Variants in NUP188 observed in about 807,000 individuals in gnomAD.
NUP188 encodes nucleoporin NUP188.
In NUP188, 97 loss-of-function variants were observed where a neutral mutation model predicts 223.0. The observed-to-expected ratio is 0.43, with a 90% CI of 0.37 to 0.51. The LOEUF (loss-of-function observed/expected upper bound fraction) is 0.51. NUP188 is among the 20% of genes least tolerant of loss of function. The pLI is 0.00. For synonymous variants in NUP188, 869 were observed against 828.0 expected (o/e 1.05, Z -0.85); for missense variants, 1,947 against 2,175.6 (o/e 0.89, Z 2.09).
chr9:129,000,714 CTG>C (rs1007621743), intron 34 of NUP188, among the ~76,000 whole-genome samples: 5 of 152,068 alleles, frequency 3.3e-5, no homozygotes, highest in African/African-American at 7.2e-5. Flanking sequence ...TAGTGAAAAA[CTG>C]TAAACGTGTA....
At chr9:128,976,786 A>T (rs1842181849) in intron 12 of NUP188, among the ~76,000 whole-genome samples, 1 of 152,006 alleles carries the variant, frequency 6.6e-6, no homozygotes, top group Admixed American at 6.6e-5. Flanking sequence ...ATTGGTATTA[A>T]CATATTAGGG....
At chr9:128,950,669 C>T (rs975476826) in intron 2 of NUP188, among the ~76,000 whole-genome samples, 27 of 152,160 alleles carry the variant, frequency 1.8e-4, no homozygotes, top group African/African-American at 6.3e-4. Flanking sequence ...AGCAAGACCC[C>T]GTCTCTACAA....
Position 129,002,992 on chromosome 9 carries a change from A to G in NUP188, c.4296+17A>G. On this transcript the variant is annotated intron_variant, in intron 37 of 43. Transcript: ENST00000372577. ...ACCTTACAGGTGAGGGGCTGCCTGC[A>G]TTGCAGGGGTGGGAGTTTCAGGGTA... 2 of 1,612,938 alleles carry G rather than the reference A, an allele frequency of 1.2e-6. No homozygotes were observed. The highest frequency in any genetic ancestry group is 1.7e-6 in the Non-Finnish European group (2 of 1,179,478).
intron 3 of NUP188, among the ~76,000 whole-genome samples, chr9:128,953,374 A>G (rs1453605291): frequency 2.0e-5 from 3 of 152,218 alleles, no homozygotes; most frequent in African/African-American, 7.2e-5. Context: ...AGTTGCAAAT[A>G]AAGAGAATGC....
chr9:129,002,826 G>C lies in NUP188; in HGVS notation c.4147G>C (p.Ala1383Pro). ...STNGTAQTPS[A>P]SRKSLDAPSW... is the part of the protein sequence containing the mutation. Reference sequence around the variant, plus strand: ...GCTGTTTGTATCTTAGACACCTAGTGCCTCTCGGAAGTCCCTGGATGCCCC... The same window carrying C: ...GCTGTTTGTATCTTAGACACCTAGTCCCTCTCGGAAGTCCCTGGATGCCCC... Residue 1383 changes from alanine to proline, a missense_variant, in exon 37 of 44, where the codon GCC becomes CCC. This residue lies in a region of NUP188 where 905 missense variants were observed against 990.6 expected (regional missense o/e 0.91). Transcript: ENST00000372577. 6.2e-7 allele frequency: 1 copy of C among 1,614,000 alleles called. No homozygotes were observed. The highest frequency in any genetic ancestry group is 8.5e-7 in the Non-Finnish European group (1 of 1,179,930).
Position 128,958,864 on chromosome 9 carries a change from T to G in NUP188, c.435T>G (p.Thr145=). The G allele has an allele frequency of 2.5e-6, 4 of 1,602,086 alleles. No homozygotes were observed. The highest frequency in any genetic ancestry group is 2.6e-6 in the Non-Finnish European group (3 of 1,172,354). ...CILRCVLHLL[T]YFQDERHPYR... ...TTCGTTGTGTCTTACACCTTCTCACTTACTTCCAAGATGAAAGACACCCCT... is the reference window on the plus strand; with the variant it reads ...TTCGTTGTGTCTTACACCTTCTCACGTACTTCCAAGATGAAAGACACCCCT... The change falls in exon 7 of 44, where the codon ACT becomes ACG. Residue 145 remains threonine, a synonymous_variant. Coordinates refer to ENST00000372577, the MANE Select transcript of NUP188 (RefSeq NM_015354.3).
chr9:128,966,489 A>C (rs1443480503), intron 8 of NUP188, among the ~76,000 whole-genome samples: 1 of 150,906 alleles, frequency 6.6e-6, no homozygotes, highest in Non-Finnish European at 1.5e-5. Context: ...TAATCCTCCT[A>C]CCTCAGCCTC....
chr9:128,970,796 A>G lies in NUP188; in HGVS notation c.951A>G (p.Pro317=), dbSNP rs1390354923. 6.2e-7 allele frequency: 1 copy of G among 1,614,168 alleles called. No individual in the cohort carries two copies. The highest frequency in any genetic ancestry group is 8.5e-7 in the Non-Finnish European group (1 of 1,180,032). ...TAATGTTGACCTTTGGGGACATTCC[A>G]CATCATGCCCCAGTGCTTTTGGCCT... ...DCLMLTFGDI[P]HHAPVLLAWA... is the part of the protein sequence containing the mutation. Residue 317 remains proline (P), a synonymous_variant, in exon 11 of 44, where the codon CCA becomes CCG. Transcript: ENST00000372577.
At chr9:128,971,716 C>CCCAT (rs1313302862) in intron 11 of NUP188, among the ~76,000 whole-genome samples, 2 of 152,068 alleles carry the variant, frequency 1.3e-5, no homozygotes, top group Admixed American at 6.6e-5. Context: ...CCGTGCCCAG[C>CCCAT]TAGTGAGCTC....
chr9:128,983,693 T>A (rs1842289119), intron 19 of NUP188, 143 bp downstream of exon 19: 1 of 652,452 alleles, frequency 1.5e-6, no homozygotes. Flanking sequence ...TTGCCCAGGC[T>A]GGAGTGCAGT....
In NUP188 at chr9:128,949,277, G is replaced by A. The variant is rs1204834795; in HGVS notation, c.87+34G>A. ...TGGTGTTCTTGAGTGGGTTCTCTGG[G>A]TTCTTTGTGTAGCTTTTGTTACCAA... On this transcript the variant is annotated intron_variant, in intron 2 of 43. Transcript: ENST00000372577. 10 of 1,510,708 alleles carry A rather than the reference G, an allele frequency of 6.6e-6. No individual in the cohort carries two copies. The South Asian group carries it at 9.2e-5, about 14-fold the overall frequency. The allele number at this position is 1,510,708 out of a possible 1,614,324, so 93.6% of individuals were successfully genotyped here. A position where few individuals can be genotyped will look rare whatever the true frequency, so the allele number is the denominator to read the frequency against.
chr9:129,005,662 A>G lies in NUP188; in HGVS notation c.4755A>G (p.Glu1585=), dbSNP rs1416559726. Residue 1585 remains glutamate, a synonymous_variant, in exon 41 of 44, where the codon GAA becomes GAG. Coordinates refer to ENST00000372577, the MANE Select transcript of NUP188 (RefSeq NM_015354.3). Reference sequence around the variant, plus strand: ...TCTCGCAGTCCCTGGACCTTGCTGAATACAACTTCCTGTTTGCCCTGAGCT... The same window carrying G: ...TCTCGCAGTCCCTGGACCTTGCTGAGTACAACTTCCTGTTTGCCCTGAGCT... The part of the protein sequence containing the change: ...ILLDQSLDLA[E]YNFLFALSFT... 3.1e-6 allele frequency: 5 copies of G among 1,613,892 alleles called. No homozygotes were observed. In the South Asian group the frequency reaches 4.4e-5, roughly 14 times the overall value.
intron 33 of NUP188, 83 bp from the exon 34 acceptor site, chr9:128,999,541 C>A: frequency 1.4e-6 from 2 of 1,406,850 alleles, no homozygotes; most frequent in Non-Finnish European, 2.0e-6. Context: ...ACATCTCCAG[C>A]CCCTTCCTAG....
chr9:128,988,026 G>T, intron 23 of NUP188, 21 bp from the exon 24 acceptor site: 1 of 1,613,026 alleles, frequency 6.2e-7, no homozygotes, highest in South Asian at 1.1e-5. Context: ...AATCATCTTT[G>T]GTTTCCATTT....
chr9:128,974,568 G>A (rs1295870415), intron 12 of NUP188, among the ~76,000 whole-genome samples: 1 of 151,814 alleles, frequency 6.6e-6, no homozygotes, highest in Non-Finnish European at 1.5e-5. Flanking sequence ...TTATACCAGA[G>A]AAGACAAAAT....
Position 128,968,609 on chromosome 9 carries a change from G to A in NUP188, c.689G>A (p.Ser230Asn). ...LYYAYFEMAP[S>N]DLLVLTKMFK... is the part of the protein sequence containing the mutation. Reference sequence around the variant, plus strand: ...TATGCATACTTTGAGATGGCACCCAGTGACTTACTTGTATTAACCAAGATG... The same window carrying A: ...TATGCATACTTTGAGATGGCACCCAATGACTTACTTGTATTAACCAAGATG... The change falls in exon 9 of 44, where the codon AGT becomes AAT. Residue 230 changes from serine to asparagine, a missense_variant. Physicochemically the swap from Ser to Asn is conservative, Grantham distance 46. Coordinates refer to ENST00000372577, the MANE Select transcript of NUP188 (RefSeq NM_015354.3). 6 of 1,614,004 alleles carry A rather than the reference G, an allele frequency of 3.7e-6. No individual in the cohort carries two copies. The highest frequency in any genetic ancestry group is 1.3e-5 in the African/African-American group (1 of 75,044).
Position 129,006,561 on chromosome 9 carries a change from C to T in NUP188, c.5133C>T (p.Ala1711=). The T allele has an allele frequency of 1.9e-6, 3 of 1,614,220 alleles. No individual in the cohort carries two copies. The highest frequency in any genetic ancestry group is 2.5e-6 in the Non-Finnish European group (3 of 1,180,028). ...YFRRGAPSSP[A]TGVLPSPQGK... Reference sequence around the variant, plus strand: ...GCCGGGGAGCCCCCAGCTCCCCTGCCACTGGTGTCCTCCCCTCGCCGCAGG... The same window carrying T: ...GCCGGGGAGCCCCCAGCTCCCCTGCTACTGGTGTCCTCCCCTCGCCGCAGG... The change falls in exon 44 of 44, where the codon GCC becomes GCT. Residue 1711 remains alanine, a synonymous_variant. Coordinates refer to ENST00000372577, the MANE Select transcript of NUP188 (RefSeq NM_015354.3).
intron 29 of NUP188, 94 bp from the exon 30 acceptor site, chr9:128,995,225 C>A: frequency 2.0e-6 from 2 of 987,520 alleles, no homozygotes; most frequent in African/African-American, 1.6e-5. Context: ...TAAGCCCATG[C>A]AAGGTCGTTT....
At chr9:128,967,230 G>T (rs1341196172) in intron 8 of NUP188, among the ~76,000 whole-genome samples, 1 of 152,108 alleles carries the variant, frequency 6.6e-6, no homozygotes. Context: ...GACTAGTCTT[G>T]AACTCCAGGC....
Sources: gnomAD v4.1 joint callset for allele counts (sites outside exome capture counted in the v4.1 genomes callset) on GRCh38, gnomAD v4.1.1 for gene constraint, gnomAD v4.1.1 regional missense constraint, MANE v1.5 for transcripts, NCBI Gene and HGNC (gene_info 2026-07-23, HGNC 2026-07-21) for gene names.